The following DPP10 variants were observed in gnomAD, a reference collection of about 807,000 sequenced individuals.
DPP10 encodes the protein inactive dipeptidyl peptidase 10.
DPP10 carries 33 observed loss-of-function variants against 120.9 expected under a neutral mutation model. The ratio of observed to expected loss-of-function variants is 0.27; its 90% CI spans 0.21 to 0.37. The LOEUF is 0.37. Ranked by LOEUF, DPP10 falls within the 10% of genes least tolerant of loss-of-function variation. The pLI is 1.00. For synonymous variants in DPP10, 337 were observed against 326.1 expected (o/e 1.03, Z -0.36); for missense variants, 816 against 942.8 (o/e 0.87, Z 1.76).
chr2:115,530,919 G>T (rs1455355029), intron 5 of DPP10, among the ~76,000 whole-genome samples: 1 of 152,038 alleles, frequency 6.6e-6, no homozygotes. Context: ...TAAGTGAACT[G>T]ATCTCTTCCA....
At chr2:114,880,771 CA>C (rs1162175092) in intron 1 of DPP10, among the ~76,000 whole-genome samples, 21 of 151,878 alleles carry the variant, frequency 1.4e-4, no homozygotes, top group Admixed American at 6.6e-5. Context: ...CATTTAATTA[CA>C]AAAGTAAAAA....
intron 5 of DPP10, among the ~76,000 whole-genome samples, chr2:115,596,554 T>C (rs2083001473): frequency 6.6e-6 from 1 of 152,164 alleles, no homozygotes; most frequent in South Asian, 2.1e-4. Flanking sequence ...TATTTTAGAC[T>C]ATCAGTCTCT....
At chr2:114,657,285 T>C (rs1697037016) in intron 1 of DPP10, among the ~76,000 whole-genome samples, 1 of 152,156 alleles carries the variant, frequency 6.6e-6, no homozygotes, top group Non-Finnish European at 1.5e-5. Flanking sequence ...TAAAAAGAAA[T>C]GGATTTTTGT....
intron 1 of DPP10, among the ~76,000 whole-genome samples, chr2:114,871,436 A>G (rs1690684233): frequency 6.6e-6 from 1 of 152,180 alleles, no homozygotes; most frequent in South Asian, 2.1e-4. Context: ...AAAAGTAATG[A>G]TACAAGTAAT....
At chr2:114,854,921 T>G (rs1038215690) in intron 1 of DPP10, among the ~76,000 whole-genome samples, 4 of 152,206 alleles carry the variant, frequency 2.6e-5, no homozygotes, top group Non-Finnish European at 2.9e-5. Context: ...TATAGAACCT[T>G]GTCTCAACCT....
chr2:114,470,495 G>A (rs1679817404), intron 1 of DPP10, among the ~76,000 whole-genome samples: 1 of 152,186 alleles, frequency 6.6e-6, no homozygotes, highest in African/African-American at 2.4e-5. Context: ...TGGGACCTGA[G>A]ACAGGCTAAG....
At chr2:114,794,015 T>C (rs1683472838) in intron 1 of DPP10, among the ~76,000 whole-genome samples, 1 of 152,256 alleles carries the variant, frequency 6.6e-6, no homozygotes, top group Non-Finnish European at 1.5e-5. Flanking sequence ...TTTGATAATT[T>C]TTTAATGTAT....
intron 1 of DPP10, among the ~76,000 whole-genome samples, chr2:114,866,198 A>G (rs1282645068): frequency 6.6e-6 from 1 of 152,008 alleles, no homozygotes; most frequent in Non-Finnish European, 1.5e-5. Flanking sequence ...AAATCATGAT[A>G]AGAAAGAATG....
At chr2:114,561,675 GA>G (rs940056337) in intron 1 of DPP10, among the ~76,000 whole-genome samples, 82 of 151,440 alleles carry the variant, frequency 5.4e-4, no homozygotes, top group Non-Finnish European at 8.9e-4. Flanking sequence ...CAATTAGAAG[GA>G]AAAAAATTCC....
chr2:115,768,938 A>T (rs1205467608), intron 13 of DPP10, among the ~76,000 whole-genome samples: 1 of 151,954 alleles, frequency 6.6e-6, no homozygotes, highest in South Asian at 2.1e-4. Flanking sequence ...TGTAAAATAT[A>T]ATCTATGTTT....
At chr2:114,938,012 T>C (rs1469531039) in intron 1 of DPP10, among the ~76,000 whole-genome samples, 1 of 152,208 alleles carries the variant, frequency 6.6e-6, no homozygotes, top group Non-Finnish European at 1.5e-5. Context: ...ATTCATTTCT[T>C]GTAAGTAACA....
intron 1 of DPP10, among the ~76,000 whole-genome samples, chr2:114,663,677 A>ATATATATG: frequency 6.8e-6 from 1 of 146,152 alleles, no homozygotes; most frequent in African/African-American, 2.6e-5. Context: ...ATAGAGAGAG[A>ATATATATG]GAGAGAGAGA....
At chr2:115,005,247 T>C (rs1038104902) in intron 1 of DPP10, among the ~76,000 whole-genome samples, 2 of 151,842 alleles carry the variant, frequency 1.3e-5, no homozygotes, top group African/African-American at 4.8e-5. Flanking sequence ...CCAAAATAGA[T>C]AAAACCACAA....
chr2:114,555,285 G>C (rs922801925), intron 1 of DPP10, among the ~76,000 whole-genome samples: 93 of 152,154 alleles, frequency 6.1e-4, no homozygotes, highest in Non-Finnish European at 2.6e-4. Context: ...TAGACTGAAA[G>C]TGTCTAATGA....
At chr2:115,441,693 A>T (rs6734638) in intron 3 of DPP10, among the ~76,000 whole-genome samples, 2,084 of 152,236 alleles carry the variant, frequency 0.014, 52 homozygotes, top group African/African-American at 0.048. Flanking sequence ...GTTGGAATAA[A>T]TTTAGACTGC....
At chr2:115,128,374 T>C (rs542808522) in intron 1 of DPP10, among the ~76,000 whole-genome samples, 2 of 152,312 alleles carry the variant, frequency 1.3e-5, no homozygotes, top group African/African-American at 4.8e-5. Context: ...AATGCTTCCC[T>C]TAGACGCCGG....
At chr2:115,787,764 A>G (rs752533702) in intron 17 of DPP10, among the ~76,000 whole-genome samples, 14 of 152,324 alleles carry the variant, frequency 9.2e-5, no homozygotes, top group Non-Finnish European at 1.5e-4. Context: ...ACACTAGCGC[A>G]CATCATTAGC....
chr2:114,898,478 C>T (rs1693242399), intron 1 of DPP10, among the ~76,000 whole-genome samples: 1 of 150,794 alleles, frequency 6.6e-6, no homozygotes, highest in Admixed American at 6.6e-5. Context: ...TGCACATGTA[C>T]CCTAAAACTT....
At chr2:115,739,712 G>A in intron 8 of DPP10, 27 bp from the exon 9 acceptor site, 2 of 1,610,542 alleles carry the variant, frequency 1.2e-6, no homozygotes, top group South Asian at 2.2e-5. Flanking sequence ...TCTACAGTTG[G>A]TCTCAAATAA....
Sources: allele counts gnomAD v4.1 joint callset (sites outside exome capture counted in the v4.1 genomes callset), GRCh38; gene constraint gnomAD v4.1.1; transcripts MANE v1.5; gene names NCBI Gene and HGNC (gene_info 2026-07-23, HGNC 2026-07-21).